PHEX: variants seen among roughly 807,000 people sequenced by gnomAD.
PHEX encodes the protein phosphate-regulating neutral endopeptidase PHEX.
PHEX carries 16 observed loss-of-function variants against 68.0 expected under a neutral mutation model. That is an observed-to-expected ratio of 0.24 (90% CI 0.16 to 0.36). PHEX has a LOEUF of 0.36. Among genes scored for constraint, PHEX ranks in the 10% least tolerant of loss-of-function variants. The pLI is 1.00. For synonymous variants in PHEX, 208 were observed against 205.1 expected (o/e 1.01, Z -0.12); for missense variants, 480 against 575.5 (o/e 0.83, Z 1.70).
At chrX:22,168,594 C>T (rs980720295) in intron 13 of PHEX, among the ~76,000 whole-genome samples, 1 of 111,763 alleles carries the variant, frequency 8.9e-6, no homozygotes, top group African/African-American at 3.3e-5. Flanking sequence ...GTGTCAGAAA[C>T]GATGCGTAGC....
Position 22,207,703 on chromosome X carries a change from C to G in PHEX, c.1646-5201C>G, listed in dbSNP as rs192463932. 8.2e-3 allele frequency among the ~76,000 whole-genome samples: 903 copies of G among 110,763 alleles called. 8 individuals are homozygous for G. The highest frequency in any genetic ancestry group is 0.028 in the African/African-American group (856 of 30,504). ...AACTAAATTTACCTGACATTGTCAC[C>G]GTTAAAAGCAAAATCAAGACAAAAC... is the stretch of plus-strand genomic sequence containing the variant. On this transcript the variant is annotated intron_variant, in intron 15 of 21. Transcript: ENST00000379374.
chrX:22,225,823 A>C (rs1185831115), intron 18 of PHEX, among the ~76,000 whole-genome samples: 1 of 112,404 alleles, frequency 8.9e-6, no homozygotes, highest in Non-Finnish European at 1.9e-5. Flanking sequence ...AGCTCATTTA[A>C]AGTTTTGAGA....
intron 21 of PHEX, among the ~76,000 whole-genome samples, chrX:22,247,643 G>A (rs144375410): frequency 2.9e-4 from 32 of 112,130 alleles, no homozygotes; most frequent in African/African-American, 1.0e-3. Context: ...AGTAATAGGG[G>A]CATGTGCTTG....
At chrX:22,093,463 A>C (rs1465555617) in intron 6 of PHEX, among the ~76,000 whole-genome samples, 1 of 111,762 alleles carries the variant, frequency 8.9e-6, no homozygotes, top group Admixed American at 9.5e-5. Flanking sequence ...CTTTGTGAAA[A>C]CTGTAAAAAC....
intron 3 of PHEX, 25 bp from the exon 4 acceptor site, chrX:22,076,363 A>G (rs748031736): frequency 8.9e-7 from 1 of 1,125,305 alleles, no homozygotes; most frequent in Admixed American, 2.2e-5. Context: ...GTGGATACTA[A>G]TGAATCCTTT....
intron 3 of PHEX, among the ~76,000 whole-genome samples, chrX:22,047,952 A>G (rs1454205164): frequency 9.9e-6 from 1 of 101,267 alleles, no homozygotes; most frequent in Non-Finnish European, 2.0e-5. Context: ...CAAAAATAGT[A>G]TGGTTTTTTT....
chrX:22,086,932 A>G (rs1023360891), intron 5 of PHEX, among the ~76,000 whole-genome samples: 6 of 112,429 alleles, frequency 5.3e-5, no homozygotes, highest in African/African-American at 1.9e-4. Flanking sequence ...TGTAAATGCA[A>G]GGATTTAAAA....
chrX:22,151,608 T>C (rs1217352357), intron 12 of PHEX, among the ~76,000 whole-genome samples: 1 of 111,231 alleles, frequency 9.0e-6, no homozygotes, highest in African/African-American at 3.3e-5. Flanking sequence ...TTGACCCTTC[T>C]CTCCCCGAGG....
chrX:22,102,431 C>CCAGGA (rs1418943501), intron 9 of PHEX, among the ~76,000 whole-genome samples: 1 of 112,259 alleles, frequency 8.9e-6, no homozygotes, highest in African/African-American at 3.2e-5. Flanking sequence ...GAATGGTCCT[C>CCAGGA]CGTTGTGTAT....
At chrX:22,103,711 G>T (rs996365827) in intron 9 of PHEX, among the ~76,000 whole-genome samples, 2 of 112,049 alleles carry the variant, frequency 1.8e-5, no homozygotes, top group Non-Finnish European at 3.8e-5. Flanking sequence ...TGGTTGATGG[G>T]CATTTATGTT....
chrX:22,058,887 C>A (rs1487473434), intron 3 of PHEX, among the ~76,000 whole-genome samples: 1 of 112,203 alleles, frequency 8.9e-6, no homozygotes, highest in Non-Finnish European at 1.9e-5. Context: ...TCACTGCAAC[C>A]TCTGCCTCCC....
At chrX:22,078,824 A>G (rs1225120461) in intron 5 of PHEX, among the ~76,000 whole-genome samples, 1 of 111,821 alleles carries the variant, frequency 8.9e-6, no homozygotes, top group African/African-American at 3.2e-5. Flanking sequence ...AGGTTAGACA[A>G]TGGAATTCTC....
chrX:22,071,967 C>T (rs989266294), intron 3 of PHEX, among the ~76,000 whole-genome samples: 2 of 112,103 alleles, frequency 1.8e-5, no homozygotes, highest in Non-Finnish European at 3.8e-5. Context: ...TGGCTCATGC[C>T]TGTAATCCCA....
chrX:22,119,258 A>G (rs777073210), intron 11 of PHEX, among the ~76,000 whole-genome samples: 2 of 111,937 alleles, frequency 1.8e-5, no homozygotes, highest in African/African-American at 3.2e-5. Context: ...CAGAACTAAA[A>G]ATCATAACTT....
intron 6 of PHEX, among the ~76,000 whole-genome samples, chrX:22,092,158 C>G (rs1267470363): frequency 9.0e-6 from 1 of 111,657 alleles, no homozygotes; most frequent in Non-Finnish European, 1.9e-5. Context: ...AGATTTTTCT[C>G]TCAGATCTTC....
At chrX:22,114,685 G>A in intron 11 of PHEX, 99 bp downstream of exon 11, 1 of 710,585 alleles carries the variant, frequency 1.4e-6, no homozygotes, top group Non-Finnish European at 2.2e-6. Context: ...AGGTGGTAGT[G>A]GCCTGTGGGT....
intron 14 of PHEX, among the ~76,000 whole-genome samples, chrX:22,185,859 G>A (rs970991552): frequency 9.4e-6 from 1 of 106,853 alleles, no homozygotes; most frequent in Non-Finnish European, 1.9e-5. Flanking sequence ...AGGTTCAAGC[G>A]ATTCTCCTGC....
At chrX:22,209,685 C>T (rs868510360) in intron 15 of PHEX, among the ~76,000 whole-genome samples, 45 of 82,735 alleles carry the variant, frequency 5.4e-4, no homozygotes, top group Non-Finnish European at 1.2e-3. Flanking sequence ...CCTCCCTCTC[C>T]TCCCTCTCCT....
At chrX:22,165,706 C>T (rs1017079636) in intron 12 of PHEX, among the ~76,000 whole-genome samples, 1 of 111,983 alleles carries the variant, frequency 8.9e-6, no homozygotes, top group Non-Finnish European at 1.9e-5. Flanking sequence ...GGAATCTGGT[C>T]AGAGCCCTGA....
Sources: gnomAD v4.1 joint callset for allele counts (sites outside exome capture counted in the v4.1 genomes callset) on GRCh38, gnomAD v4.1.1 for gene constraint, MANE v1.5 for transcripts, NCBI Gene and HGNC (gene_info 2026-07-23, HGNC 2026-07-21) for gene names.